Variants in F8 observed in about 807,000 individuals in gnomAD.
The protein encoded by F8 is coagulation factor VIII, also known as antihemophilic factor.
A neutral mutation model predicts 140.6 loss-of-function variants in F8; 12 were observed. That is an observed-to-expected ratio of 0.09 (90% CI 0.05 to 0.14). The LOEUF is 0.14. Ranked by LOEUF, F8 falls within the 10% of genes least tolerant of loss-of-function variation. The probability of loss-of-function intolerance (pLI) is 1.00; values close to 1 mark genes in which losing one functional copy is unlikely to be tolerated. For synonymous variants in F8, 585 were observed against 614.6 expected (o/e 0.95, Z 0.71); for missense variants, 1,354 against 1,720.7 (o/e 0.79, Z 3.77).
chrX:154,935,159 T>C (rs1557279104), intron 13 of F8, among the ~76,000 whole-genome samples: 1 of 110,037 alleles, frequency 9.1e-6, no homozygotes. Context: ...AGACCCTGTC[T>C]CACAAAAAGA....
At chrX:154,901,644 A>C (rs1557275941) in intron 19 of F8, among the ~76,000 whole-genome samples, 1 of 112,277 alleles carries the variant, frequency 8.9e-6, no homozygotes, top group African/African-American at 3.2e-5. Flanking sequence ...TTTACAGCTG[A>C]AGAAACTGGG....
chrX:154,947,442 T>C (rs1557280390), intron 13 of F8, among the ~76,000 whole-genome samples: 1 of 110,547 alleles, frequency 9.0e-6, no homozygotes, highest in African/African-American at 3.3e-5. Flanking sequence ...GGTGGGAGTG[T>C]AAATAAGTAC....
At position 154,929,435 on chromosome X, in the gene F8, T is replaced by C; in HGVS notation, c.4355A>G (p.His1452Arg). Residue 1452 changes from histidine to arginine, a missense_variant, in exon 14 of 26, where the codon CAT becomes CGT. Transcript: ENST00000360256. ...KKDSGVQESS[H>R]FLQGAKKNNL... ...ATTTTTTTTGGCTCCTTGTAAGAAATGACTGCTTTCTTGGACCCCAGAATC... is the reference window on the plus strand; with the variant it reads ...ATTTTTTTTGGCTCCTTGTAAGAAACGACTGCTTTCTTGGACCCCAGAATC... 1 of 1,211,692 alleles carries C rather than the reference T, an allele frequency of 8.3e-7. No individual in the cohort carries two copies. Among genetic ancestry groups the C allele is most frequent in the South Asian group, 1.8e-5 (1 of 57,012 alleles).
At chrX:155,009,014 A>C (rs946784585) in intron 1 of F8, among the ~76,000 whole-genome samples, 4 of 111,485 alleles carry the variant, frequency 3.6e-5, no homozygotes, top group Non-Finnish European at 7.5e-5. Flanking sequence ...GAACACTCCA[A>C]ATAAAATTCC....
At chrX:154,995,773 A>G (rs1168992108) in intron 3 of F8, among the ~76,000 whole-genome samples, 4 of 112,596 alleles carry the variant, frequency 3.6e-5, no homozygotes, top group African/African-American at 1.3e-4. Context: ...TTGTACTTAT[A>G]AACAATGAAT....
intron 13 of F8, among the ~76,000 whole-genome samples, chrX:154,945,973 T>A (rs5986895): frequency 0.027 from 2,978 of 111,477 alleles, 95 homozygotes; most frequent in African/African-American, 0.093. Flanking sequence ...AGAAATTTTT[T>A]AAAAATCATT....
At chrX:154,917,532 T>C (rs782757368) in intron 14 of F8, among the ~76,000 whole-genome samples, 19 of 112,222 alleles carry the variant, frequency 1.7e-4, no homozygotes, top group African/African-American at 5.8e-4. Context: ...GAGCTTTTTA[T>C]TCATTGCTCT....
At chrX:154,973,947 C>G (rs1321814908) in intron 6 of F8, among the ~76,000 whole-genome samples, 2 of 109,789 alleles carry the variant, frequency 1.8e-5, no homozygotes, top group Non-Finnish European at 3.8e-5. Context: ...CAGGAGCGCA[C>G]CACCATGTCT....
intron 13 of F8, among the ~76,000 whole-genome samples, chrX:154,943,758 A>C (rs1294624080): frequency 8.9e-6 from 1 of 111,832 alleles, no homozygotes; most frequent in Non-Finnish European, 1.9e-5. Flanking sequence ...ACGCTCCCTG[A>C]CTTCAAACTA....
At chrX:154,914,528 T>C (rs1603433300) in intron 14 of F8, among the ~76,000 whole-genome samples, 3 of 111,935 alleles carry the variant, frequency 2.7e-5, no homozygotes, top group Non-Finnish European at 3.8e-5. Flanking sequence ...CCCCAAATCA[T>C]CTCTCTCAAG....
intron 1 of F8, among the ~76,000 whole-genome samples, chrX:155,012,930 A>G (rs1557286701): frequency 9.1e-6 from 1 of 109,524 alleles, no homozygotes; most frequent in African/African-American, 3.3e-5. Context: ...GCGGATCATG[A>G]GGTCAGGAGA....
At chrX:155,021,411 T>C (rs782714880) in intron 1 of F8, among the ~76,000 whole-genome samples, 1 of 111,541 alleles carries the variant, frequency 9.0e-6, no homozygotes, top group African/African-American at 3.2e-5. Context: ...TTTAAATCTT[T>C]ATAATACACA....
intron 25 of F8, among the ~76,000 whole-genome samples, chrX:154,844,975 T>A (rs1457673222): frequency 9.0e-6 from 1 of 111,394 alleles, no homozygotes; most frequent in Non-Finnish European, 1.9e-5. Context: ...CATCAATACC[T>A]AATTTATTGA....
At chrX:154,933,395 A>G (rs2073208331) in intron 13 of F8, among the ~76,000 whole-genome samples, 1 of 112,093 alleles carries the variant, frequency 8.9e-6, no homozygotes, top group Admixed American at 9.5e-5. Context: ...TCTAGTCAGC[A>G]CTACAAATAT....
At chrX:154,990,714 G>C (rs1168202862) in intron 4 of F8, among the ~76,000 whole-genome samples, 1 of 111,757 alleles carries the variant, frequency 8.9e-6, no homozygotes, top group African/African-American at 3.3e-5. Flanking sequence ...AATGGAACAT[G>C]TTGAAGACTG....
At chrX:154,923,282 G>C (rs2073141522) in intron 14 of F8, among the ~76,000 whole-genome samples, 2 of 111,799 alleles carry the variant, frequency 1.8e-5, no homozygotes, top group Admixed American at 1.9e-4. Context: ...ATCCTCTCTT[G>C]GCTTGTAACC....
chrX:154,849,942 C>T (rs1472417058), intron 25 of F8, among the ~76,000 whole-genome samples: 2 of 110,875 alleles, frequency 1.8e-5, no homozygotes, highest in African/African-American at 6.6e-5. Context: ...ATCCTTTATT[C>T]TATTTATCCA....
In F8 at chrX:154,930,566, G is replaced by A. The variant is rs782733461; in HGVS notation, c.3224C>T (p.Ala1075Val). ...IHDRMLMDKN[A>V]TALRLNHMSN... ...CATATGATTTAGCCTCAAAGCTGTAGCATTTTTGTCCATAAGCATTCTGTC... is the reference window on the plus strand; with the variant it reads ...CATATGATTTAGCCTCAAAGCTGTAACATTTTTGTCCATAAGCATTCTGTC... Residue 1075 changes from alanine to valine, a missense_variant, in exon 14 of 26, where the codon GCT becomes GTT. By Grantham distance (64) the Ala-to-Val change is moderately conservative (BLOSUM62 0). This residue lies in a region of F8 where 658 missense variants were observed against 666.5 expected (regional missense o/e 0.99). Transcript: ENST00000360256. The A allele has an allele frequency of 1.7e-6, 2 of 1,208,873 alleles. No homozygotes were observed. Among genetic ancestry groups the A allele is most frequent in the African/African-American group, 3.5e-5 (2 of 57,228 alleles).
intron 22 of F8, among the ~76,000 whole-genome samples, chrX:154,869,358 G>T (rs781872106): frequency 8.9e-6 from 1 of 111,869 alleles, no homozygotes; most frequent in South Asian, 3.7e-4. Context: ...TCAGACCACA[G>T]TGCAATCAAA....
Sources: gnomAD v4.1 joint callset for allele counts (sites outside exome capture counted in the v4.1 genomes callset) on GRCh38, gnomAD v4.1.1 for gene constraint, gnomAD v4.1.1 regional missense constraint, MANE v1.5 for transcripts, NCBI Gene and HGNC (gene_info 2026-07-23, HGNC 2026-07-21) for gene names.